The following COL19A1 variants were observed in gnomAD, a reference collection of about 807,000 sequenced individuals.
COL19A1 encodes the protein collagen alpha-1(XIX) chain.
Under a neutral mutation model 190.2 loss-of-function variants are expected in COL19A1, and 159 were observed. The observed-to-expected ratio is 0.84, with a 90% CI of 0.73 to 0.95. The LOEUF (loss-of-function observed/expected upper bound fraction) is 0.95. COL19A1 is among the 40% of genes least tolerant of loss of function. The pLI is 0.00. For missense variants in COL19A1, 1,418 were observed against 1,431.9 expected (o/e 0.99, Z 0.16); for synonymous variants, 509 against 458.9 (o/e 1.11, Z -1.39).
At chr6:70,176,610 A>G (rs1321863539) in intron 42 of COL19A1, 46 bp downstream of exon 42, 9 of 1,592,284 alleles carry the variant, frequency 5.7e-6, no homozygotes, top group Non-Finnish European at 7.7e-6. Context: ...AAACGGTTCT[A>G]TCTCCATGAT....
chr6:69,896,350 A>G (rs1031838597), intron 2 of COL19A1, among the ~76,000 whole-genome samples: 1 of 151,602 alleles, frequency 6.6e-6, no homozygotes, highest in Non-Finnish European at 1.5e-5. Context: ...ATCCTGGCTA[A>G]CAAGGTGAAA....
chr6:69,900,295 A>C lies in COL19A1; in HGVS notation c.223A>C (p.Thr75Pro). Residue 75 changes from threonine (T) to proline (P), a missense_variant, in exon 4 of 51, where the codon ACC (threonine) becomes CCC (proline). Transcript: ENST00000620364. The part of the protein sequence containing the change: ...LRRAFCESDK[T>P]CFKLGSALLI... ...ACGTGCATTTTGTGAAAGTGATAAA[A>C]CCTGTTTCAAATTGGGAAGTGCACT... is the stretch of plus-strand genomic sequence containing the variant. 1 of 1,594,952 alleles carries C rather than the reference A, an allele frequency of 6.3e-7. No homozygotes were observed. Among genetic ancestry groups the C allele is most frequent in the Non-Finnish European group, 8.5e-7 (1 of 1,170,332 alleles).
chr6:69,886,129 A>G (rs1582282379), intron 2 of COL19A1, among the ~76,000 whole-genome samples: 1 of 152,364 alleles, frequency 6.6e-6, no homozygotes, highest in East Asian at 1.9e-4. Flanking sequence ...TTAAAACTCA[A>G]TATCAGTAAA....
At chr6:69,881,948 G>A (rs542335257) in intron 2 of COL19A1, among the ~76,000 whole-genome samples, 12 of 152,274 alleles carry the variant, frequency 7.9e-5, no homozygotes, top group Admixed American at 4.6e-4. Context: ...GGTTCACAGC[G>A]CAAGGTTCCC....
chr6:70,210,870 G>A lies in COL19A1; in HGVS notation c.*3596G>A, dbSNP rs974619448. Among the ~76,000 whole-genome samples, 1 of 151,926 alleles carries A rather than the reference G, an allele frequency of 6.6e-6. No individual in the cohort carries two copies. The highest frequency in any genetic ancestry group is 1.5e-5 in the Non-Finnish European group (1 of 67,934). ...TAAGCATCTTTATGAAACAGGCACA[G>A]TACCCTTTGGTTTGTTGACTGTTTT... On this transcript the variant is annotated 3_prime_UTR_variant, in exon 51 of 51. Transcript: ENST00000620364.
At chr6:70,205,715 C>G (rs1767809234) in intron 49 of COL19A1, among the ~76,000 whole-genome samples, 2 of 152,134 alleles carry the variant, frequency 1.3e-5, no homozygotes, top group African/African-American at 4.8e-5. Context: ...GATAAAAATG[C>G]TTTATGCTTT....
At chr6:70,055,790 A>AT (rs1562125620) in intron 14 of COL19A1, among the ~76,000 whole-genome samples, 20 of 138,286 alleles carry the variant, frequency 1.4e-4, no homozygotes, top group African/African-American at 5.2e-4. Flanking sequence ...TTAAAAAAAA[A>AT]AAAAAAAAAA....
intron 15 of COL19A1, among the ~76,000 whole-genome samples, chr6:70,084,529 A>G (rs937882270): frequency 1.3e-5 from 2 of 152,238 alleles, no homozygotes; most frequent in African/African-American, 4.8e-5. Flanking sequence ...GAGGAAAATC[A>G]GTGTCGTCAG....
chr6:69,966,124 C>T (rs2150050030), intron 11 of COL19A1, among the ~76,000 whole-genome samples: 1 of 152,344 alleles, frequency 6.6e-6, no homozygotes, highest in Non-Finnish European at 1.5e-5. Context: ...TAAGCTCTTA[C>T]ATTACATTAG....
chr6:69,967,429 C>G (rs1775181489), intron 11 of COL19A1, among the ~76,000 whole-genome samples: 1 of 152,206 alleles, frequency 6.6e-6, no homozygotes, highest in Non-Finnish European at 1.5e-5. Context: ...TATTCTGCAG[C>G]TGTGAGAGTC....
intron 2 of COL19A1, among the ~76,000 whole-genome samples, chr6:69,892,751 A>G (rs1198547585): frequency 6.6e-6 from 1 of 152,222 alleles, no homozygotes; most frequent in African/African-American, 2.4e-5. Context: ...AACCCTGTAC[A>G]GGAACTGTGT....
In COL19A1 at chr6:70,146,754, C is replaced by A. The variant is rs757838013; in HGVS notation, c.1815+51C>A. On this transcript the variant is annotated intron_variant, in intron 26 of 50. Coordinates refer to ENST00000620364, the MANE Select transcript of COL19A1 (RefSeq NM_001858.6). The stretch of plus-strand genomic sequence containing the variant: ...TAAGGAATGAATAATTAACAAAATA[C>A]AGCAGAAAAATGTATGTCTCTTGAG... 5 of 1,590,052 alleles carry A rather than the reference C, an allele frequency of 3.1e-6. No homozygotes were observed. In the Admixed American group the frequency reaches 9.1e-5, roughly 29 times the overall value.
intron 11 of COL19A1, among the ~76,000 whole-genome samples, chr6:69,989,719 G>C (rs1407156739): frequency 6.6e-6 from 1 of 151,972 alleles, no homozygotes; most frequent in Admixed American, 6.6e-5. Context: ...CACAGAATTA[G>C]ACTAAAATTT....
At chr6:70,109,837 T>C (rs1422475120) in intron 16 of COL19A1, among the ~76,000 whole-genome samples, 1 of 152,096 alleles carries the variant, frequency 6.6e-6, no homozygotes, top group Non-Finnish European at 1.5e-5. Flanking sequence ...CTAAGTCTTT[T>C]CTTTTTCCCC....
intron 49 of COL19A1, among the ~76,000 whole-genome samples, chr6:70,200,215 T>A (rs544546708): frequency 6.6e-6 from 1 of 152,366 alleles, no homozygotes; most frequent in South Asian, 2.1e-4. Context: ...ATCTTTCTGC[T>A]TTGAATACAG....
intron 14 of COL19A1, among the ~76,000 whole-genome samples, chr6:70,041,924 C>T (rs573533903): frequency 4.6e-5 from 7 of 151,896 alleles, no homozygotes; most frequent in South Asian, 2.1e-4. Context: ...AAAAAATAGC[C>T]GGATTTGGTG....
chr6:69,888,010 T>C (rs543763288), intron 2 of COL19A1, among the ~76,000 whole-genome samples: 5 of 152,306 alleles, frequency 3.3e-5, no homozygotes, highest in African/African-American at 1.2e-4. Context: ...CTAATTGCTC[T>C]TAGATTAAGG....
intron 41 of COL19A1, among the ~76,000 whole-genome samples, chr6:70,174,038 G>A (rs547483122): frequency 1.3e-5 from 2 of 152,202 alleles, no homozygotes; most frequent in Admixed American, 1.3e-4. Context: ...CAGAGTATGG[G>A]GACAGAGGCT....
At chr6:69,921,410 T>TGA (rs1771834175) in intron 4 of COL19A1, among the ~76,000 whole-genome samples, 1 of 86,368 alleles carries the variant, frequency 1.2e-5, no homozygotes, top group African/African-American at 6.9e-5. Flanking sequence ...ATCATATATA[T>TGA]CATATATCAT....
Sources: gnomAD v4.1 joint callset for allele counts (sites outside exome capture counted in the v4.1 genomes callset) on GRCh38, gnomAD v4.1.1 for gene constraint, MANE v1.5 for transcripts, NCBI Gene and HGNC (gene_info 2026-07-23, HGNC 2026-07-21) for gene names.